The following CLVS1 variants were observed in gnomAD, a reference collection of about 807,000 sequenced individuals.
The protein encoded by CLVS1 is clavesin 1.
CLVS1 carries 10 observed loss-of-function variants against 33.1 expected under a neutral mutation model. That is an observed-to-expected ratio of 0.30 (90% CI 0.19 to 0.51). CLVS1 has a LOEUF of 0.51. Ranked by LOEUF, CLVS1 falls within the 20% of genes least tolerant of loss-of-function variation. The pLI is 0.97. For synonymous variants in CLVS1, 163 were observed against 166.1 expected, an observed-to-expected ratio of 0.98 and a Z score of 0.14; for missense variants, 343 against 433.4, an observed-to-expected ratio of 0.79 and a Z score of 1.85.
chr8:61,401,859 C>CA (rs1814777621), intron 3 of CLVS1, among the ~76,000 whole-genome samples: 1 of 152,104 alleles, frequency 6.6e-6, no homozygotes, highest in South Asian at 2.1e-4. Flanking sequence ...CTGGTAATTT[C>CA]AAAAAATATG....
chr8:61,079,756 T>C (rs1804988162), intron 1 of CLVS1, among the ~76,000 whole-genome samples: 1 of 150,260 alleles, frequency 6.7e-6, no homozygotes, highest in African/African-American at 2.5e-5. Context: ...TTTTAGAAAG[T>C]AGTCCCAATT....
At chr8:61,225,161 A>T (rs113213435) in intron 2 of CLVS1, among the ~76,000 whole-genome samples, 6,870 of 152,182 alleles carry the variant, frequency 0.045, 196 homozygotes, top group African/African-American at 0.081. Flanking sequence ...TACTAAAAAT[A>T]CAAAAATTAG....
intron 1 of CLVS1, among the ~76,000 whole-genome samples, chr8:61,116,254 A>G (rs911189540): frequency 6.6e-6 from 1 of 151,506 alleles, no homozygotes; most frequent in African/African-American, 2.4e-5. Flanking sequence ...GTTTGAGTTC[A>G]TTGTAGATTC....
chr8:61,042,415 A>G, the CLVS1 span, among the ~76,000 whole-genome samples: 2 of 152,204 alleles, frequency 1.3e-5, no homozygotes, highest in Non-Finnish European at 2.9e-5. Context: ...TCAGGCCGTG[A>G]AAACAAATTA....
At chr8:61,072,959 A>C (rs567904441) in intron 1 of CLVS1, among the ~76,000 whole-genome samples, 9 of 152,326 alleles carry the variant, frequency 5.9e-5, no homozygotes, top group African/African-American at 1.9e-4. Flanking sequence ...GTATGTGGCT[A>C]TCCTCTGTTC....
chr8:61,308,009 G>C (rs921796332), intron 2 of CLVS1, among the ~76,000 whole-genome samples: 2 of 152,108 alleles, frequency 1.3e-5, no homozygotes, highest in African/African-American at 4.8e-5. Flanking sequence ...ATTTTCCTTT[G>C]GCTTCAGGCT....
At chr8:61,313,130 T>C (rs1172283131) in intron 2 of CLVS1, among the ~76,000 whole-genome samples, 2 of 152,178 alleles carry the variant, frequency 1.3e-5, no homozygotes, top group East Asian at 3.9e-4. Flanking sequence ...GTGGGGAAAA[T>C]GGCCCTACAT....
chr8:61,481,388 A>G (rs2610522), intron 5 of CLVS1, among the ~76,000 whole-genome samples: 108,587 of 151,052 alleles, frequency 0.72, 41,285 homozygotes, highest in Non-Finnish European at 0.85. Context: ...AGCCCACAGA[A>G]TAGAGTGGGG....
At chr8:61,255,222 A>C (rs768196168) in intron 2 of CLVS1, among the ~76,000 whole-genome samples, 3 of 152,218 alleles carry the variant, frequency 2.0e-5, no homozygotes, top group Non-Finnish European at 2.9e-5. Context: ...TAAAAGAAGA[A>C]TATTGATTTC....
chr8:61,304,553 T>G (rs961672177), intron 2 of CLVS1, among the ~76,000 whole-genome samples: 1 of 152,230 alleles, frequency 6.6e-6, no homozygotes, highest in African/African-American at 2.4e-5. Flanking sequence ...CAGCTTGGTA[T>G]GTAACGGAGA....
chr8:61,291,801 G>A (rs777276461), intron 1 of CLVS1, among the ~76,000 whole-genome samples: 3 of 152,094 alleles, frequency 2.0e-5, no homozygotes, highest in Non-Finnish European at 4.4e-5. Flanking sequence ...TATTATGAGT[G>A]CCATTGCTCC....
chr8:61,386,434 C>T (rs569678770), intron 3 of CLVS1, among the ~76,000 whole-genome samples: 1 of 152,292 alleles, frequency 6.6e-6, no homozygotes, highest in South Asian at 2.1e-4. Flanking sequence ...TTTGCTCTCA[C>T]ATATCAAATT....
chr8:61,044,030 G>GAAATA, the CLVS1 span, among the ~76,000 whole-genome samples: 1 of 152,196 alleles, frequency 6.6e-6, no homozygotes, highest in Admixed American at 6.5e-5. Context: ...CTGTACTTGA[G>GAAATA]AATATTTCTG....
the CLVS1 span, among the ~76,000 whole-genome samples, chr8:61,032,992 G>GGAAGGAAA: frequency 2.7e-4 from 12 of 44,826 alleles, no homozygotes; most frequent in African/African-American, 9.1e-4. Flanking sequence ...AAGGAAGGAA[G>GGAAGGAAA]GAAAGAAAGA....
At chr8:61,097,532 G>C (rs1475039489) in intron 1 of CLVS1, among the ~76,000 whole-genome samples, 1 of 152,178 alleles carries the variant, frequency 6.6e-6, no homozygotes, top group Non-Finnish European at 1.5e-5. Flanking sequence ...AGTGGTGTGA[G>C]CACAGGCTAT....
rs1554548394 is a variant in CLVS1, at chr8:61,232,041, T to TTTTTTTTTTTTTTTG, written c.-151-67627_-151-67626insTTTTTGTTTTTTTTT. Reference sequence around the variant, plus strand: ...AGTTGTGGTTTTTTTTTTTTTTTTTTTTTTTTTTTGTGAGATGGAGTCTCG... The same window carrying TTTTTTTTTTTTTTTG: ...AGTTGTGGTTTTTTTTTTTTTTTTTTTTTTTTTTTTTTTTGTTTTTTTTTGTGAGATGGAGTCTCG... On this transcript the variant is annotated intron_variant, in intron 2 of 2. Coordinates refer to the CLVS1 transcript ENST00000522621. Among the ~76,000 whole-genome samples, 18 of 116,014 alleles carry TTTTTTTTTTTTTTTG rather than the reference T, an allele frequency of 1.6e-4. 1 individual carries two copies. The highest frequency in any genetic ancestry group is 7.1e-4 in the African/African-American group (15 of 20,990). 76.1% of individuals were successfully genotyped at this position (116,014 alleles called of 152,430 possible). A position where few individuals can be genotyped will look rare whatever the true frequency, so the allele number is the denominator to read the frequency against.
chr8:61,248,677 G>A (rs1808868675), intron 2 of CLVS1, among the ~76,000 whole-genome samples: 1 of 151,856 alleles, frequency 6.6e-6, no homozygotes. Context: ...TATGTACAAT[G>A]TAAGTTATAT....
chr8:61,030,137 G>A, the CLVS1 span, among the ~76,000 whole-genome samples: 12 of 152,334 alleles, frequency 7.9e-5, no homozygotes, highest in African/African-American at 2.9e-4. Context: ...TTGACCACAC[G>A]AGCCTCACTG....
intron 2 of CLVS1, among the ~76,000 whole-genome samples, chr8:61,336,730 C>A (rs1019993915): frequency 3.3e-5 from 5 of 151,920 alleles, no homozygotes; most frequent in Non-Finnish European, 7.4e-5. Context: ...TAAAGAATAG[C>A]CTAGAAAAAA....
Sources: gnomAD v4.1 joint callset for allele counts (sites outside exome capture counted in the v4.1 genomes callset) on GRCh38, gnomAD v4.1.1 for gene constraint, MANE v1.5 for transcripts, NCBI Gene and HGNC (gene_info 2026-07-23, HGNC 2026-07-21) for gene names.